HFM1: variants seen among roughly 807,000 people sequenced by gnomAD.
HFM1 encodes the protein helicase for meiosis 1, also known as probable ATP-dependent DNA helicase HFM1.
In HFM1, 169 loss-of-function variants were observed where a neutral mutation model predicts 192.1. The ratio of observed to expected loss-of-function variants is 0.88; its 90% confidence interval spans 0.78 to 1.00. The LOEUF is 1.00. Among genes scored for constraint, HFM1 ranks in the 50% least tolerant of loss-of-function variants. The probability of loss-of-function intolerance (pLI) is 0.00; values close to 1 mark genes in which losing one functional copy is unlikely to be tolerated. For synonymous variants in HFM1, 525 were observed against 537.8 expected (o/e 0.98, Z 0.33); for missense variants, 1,661 against 1,668.0 (o/e 1.00, Z 0.07).
At chr1:91,332,590 T>C (rs1403094135) in intron 20 of HFM1, among the ~76,000 whole-genome samples, 1 of 151,878 alleles carries the variant, frequency 6.6e-6, no homozygotes, top group Non-Finnish European at 1.5e-5. Context: ...CAACAAAAAA[T>C]GGACAAATGG....
intron 9 of HFM1, 84 bp downstream of exon 9, chr1:91,378,979 A>C: frequency 1.3e-6 from 1 of 767,596 alleles, no homozygotes; most frequent in Non-Finnish European, 2.0e-6. Flanking sequence ...TCTAGTTTAT[A>C]TTTTTTAAAC....
chr1:91,336,566 A>G (rs1202457341), intron 20 of HFM1, among the ~76,000 whole-genome samples: 1 of 152,158 alleles, frequency 6.6e-6, no homozygotes, highest in African/African-American at 2.4e-5. Context: ...TTAAATTCAC[A>G]GTAGAAATTA....
intron 20 of HFM1, among the ~76,000 whole-genome samples, chr1:91,342,962 T>G (rs1454590559): frequency 6.6e-6 from 1 of 152,066 alleles, no homozygotes; most frequent in Non-Finnish European, 1.5e-5. Flanking sequence ...GCACGGTGGC[T>G]CAAGCCTGTA....
chr1:91,344,539 C>T (rs1213330492), intron 19 of HFM1, among the ~76,000 whole-genome samples: 1 of 152,062 alleles, frequency 6.6e-6, no homozygotes, highest in Non-Finnish European at 1.5e-5. Flanking sequence ...CAGCAGTTAA[C>T]AAGATAAGGT....
intron 34 of HFM1, among the ~76,000 whole-genome samples, chr1:91,270,979 G>C (rs912268838): frequency 2.6e-5 from 4 of 152,032 alleles, no homozygotes; most frequent in Non-Finnish European, 5.9e-5. Context: ...TCTGTTTTTT[G>C]TCTGCCTGGT....
At chr1:91,389,364 G>C (rs1340415902) in intron 4 of HFM1, among the ~76,000 whole-genome samples, 1 of 152,116 alleles carries the variant, frequency 6.6e-6, no homozygotes, top group Non-Finnish European at 1.5e-5. Flanking sequence ...GTTTTACCAT[G>C]TTGGTCAGAC....
chr1:91,330,038 T>C (rs957992810), intron 20 of HFM1, among the ~76,000 whole-genome samples: 28 of 151,934 alleles, frequency 1.8e-4, no homozygotes, highest in African/African-American at 6.8e-4. Context: ...GCCCCTGGAG[T>C]TGACTGTGTC....
chr1:91,371,921 G>C (rs1218317812), intron 13 of HFM1, among the ~76,000 whole-genome samples: 5 of 152,088 alleles, frequency 3.3e-5, no homozygotes, highest in Admixed American at 2.6e-4. Context: ...ACAAAAAGTG[G>C]GTGAAGGATA....
intron 15 of HFM1, 52 bp from the exon 16 acceptor site, chr1:91,352,703 A>G (rs975176589): frequency 5.8e-6 from 8 of 1,368,964 alleles, no homozygotes; most frequent in Non-Finnish European, 7.8e-6. Flanking sequence ...TTGTTGCTTC[A>G]GGAACATTTT....
chr1:91,271,448 AT>A (rs1666283217), intron 34 of HFM1, among the ~76,000 whole-genome samples: 2 of 152,080 alleles, frequency 1.3e-5, no homozygotes, highest in African/African-American at 4.8e-5. Context: ...TTTGAGTAGA[AT>A]TTTTATCATT....
intron 20 of HFM1, among the ~76,000 whole-genome samples, chr1:91,333,357 A>G (rs1654101823): frequency 6.6e-6 from 1 of 152,208 alleles, no homozygotes; most frequent in African/African-American, 2.4e-5. Context: ...GCACAGAAAG[A>G]CCAACATTGC....
At chr1:91,331,535 A>C (rs1367777239) in intron 20 of HFM1, among the ~76,000 whole-genome samples, 1 of 152,226 alleles carries the variant, frequency 6.6e-6, no homozygotes. Context: ...TCCCATTTAT[A>C]ATAGCCACAA....
At chr1:91,360,798 A>G (rs1658392584) in intron 13 of HFM1, among the ~76,000 whole-genome samples, 1 of 152,208 alleles carries the variant, frequency 6.6e-6, no homozygotes, top group Admixed American at 6.5e-5. Context: ...ATTGGAAGTA[A>G]AACACTTCTC....
intron 15 of HFM1, among the ~76,000 whole-genome samples, 159 bp from the exon 16 acceptor site, chr1:91,352,810 TA>T (rs908181951): frequency 6.6e-6 from 1 of 151,886 alleles, no homozygotes; most frequent in Non-Finnish European, 1.5e-5. Context: ...TAACACACCT[TA>T]AATCCAAAAA....
rs1398469030 is a variant in HFM1, at chr1:91,380,119, T to C, written c.991A>G (p.Ile331Val). ...LMEVPLPWLN[I>V]KIVYMAPIKA... ...AAATACTTACTGTAAACAATTTTAA[T>C]ATTCAACCATGGCAATGGTACTTCC... Residue 331 changes from isoleucine (I) to valine (V), a missense_variant, in exon 8 of 39, where the codon ATT (isoleucine) becomes GTT (valine). Coordinates refer to ENST00000370425, the MANE Select transcript of HFM1 (RefSeq NM_001017975.6). 8 of 1,399,672 alleles carry C rather than the reference T, an allele frequency of 5.7e-6. No homozygotes were observed. The highest frequency in any genetic ancestry group is 7.8e-6 in the Non-Finnish European group (8 of 1,020,232). The allele number at this position is 1,399,672 out of a possible 1,614,324, so 86.7% of individuals were successfully genotyped here.
intron 4 of HFM1, among the ~76,000 whole-genome samples, chr1:91,387,160 G>T (rs1468085582): frequency 1.3e-5 from 2 of 152,188 alleles, no homozygotes; most frequent in Admixed American, 6.5e-5. Context: ...CCATTCAGGG[G>T]CTGAAGATCA....
intron 36 of HFM1, among the ~76,000 whole-genome samples, chr1:91,263,227 GCCATAA>G (rs530779657): frequency 2.6e-3 from 393 of 152,200 alleles, no homozygotes; most frequent in Admixed American, 5.9e-3. Flanking sequence ...ATAGTGTGGA[GCCATAA>G]GCCCATTTTT....
chr1:91,276,871 C>A, intron 31 of HFM1, 111 bp downstream of exon 31: 1 of 803,012 alleles, frequency 1.2e-6, no homozygotes, highest in South Asian at 1.9e-5. Flanking sequence ...AAATTATTTG[C>A]ATTATTAAGT....
intron 13 of HFM1, among the ~76,000 whole-genome samples, chr1:91,374,034 A>C (rs1269499580): frequency 1.3e-5 from 2 of 152,208 alleles, no homozygotes; most frequent in Admixed American, 6.6e-5. Context: ...AAAAGTAAAT[A>C]CAGGGAAACT....
Sources: allele counts gnomAD v4.1 joint callset (sites outside exome capture counted in the v4.1 genomes callset), GRCh38; gene constraint gnomAD v4.1.1; transcripts MANE v1.5; gene names NCBI Gene and HGNC (gene_info 2026-07-23, HGNC 2026-07-21).